Variants in LRP12 observed in about 807,000 individuals in gnomAD.
LRP12 encodes the protein LDL receptor related protein 12, also known as low-density lipoprotein receptor-related protein 12.
A neutral mutation model predicts 66.0 loss-of-function variants in LRP12; 14 were observed. The ratio of observed to expected loss-of-function variants is 0.21; its 90% CI spans 0.14 to 0.33. The LOEUF is 0.33. Among genes scored for constraint, LRP12 ranks in the 10% least tolerant of loss-of-function variants. LRP12 has a pLI of 1.00. For missense variants in LRP12, 889 were observed against 1,053.4 expected, an observed-to-expected ratio of 0.84 and a Z score of 2.16; for synonymous variants, 357 against 359.1, an observed-to-expected ratio of 0.99 and a Z score of 0.07.
chr8:104,532,702 TGA>T (rs1296205640), intron 1 of LRP12, among the ~76,000 whole-genome samples: 1 of 152,094 alleles, frequency 6.6e-6, no homozygotes, highest in Non-Finnish European at 1.5e-5. Flanking sequence ...CTTTCATGGT[TGA>T]GAGTGGAGAA....
intron 1 of LRP12, among the ~76,000 whole-genome samples, chr8:104,568,373 G>A (rs1358497256): frequency 2.6e-5 from 4 of 152,026 alleles, no homozygotes; most frequent in East Asian, 3.9e-4. Flanking sequence ...GTTAGCAAAT[G>A]GATTCTTAGA....
At position 104,490,895 on chromosome 8, in the gene LRP12, A is replaced by G. The variant is rs760140082; in HGVS notation, c.2358T>C (p.Phe786=). ...GAGGTCTGGAGCAGTCATTCACATC[A>G]AAGTCTGAAGATCCATCAGAAATTG... is the stretch of plus-strand genomic sequence containing the variant. ...LIPISDGSSD[F]DVNDCSRPLL... The change falls in exon 7 of 7, where the codon TTT becomes TTC. Residue 786 remains phenylalanine (F), a synonymous_variant. Transcript: ENST00000276654. 1.1e-5 allele frequency: 17 copies of G among 1,614,026 alleles called. No homozygotes were observed. Among genetic ancestry groups the G allele is most frequent in the Non-Finnish European group, 1.4e-5 (17 of 1,180,024 alleles).
At chr8:104,559,535 A>T (rs537439894) in intron 1 of LRP12, among the ~76,000 whole-genome samples, 3 of 152,274 alleles carry the variant, frequency 2.0e-5, no homozygotes, top group Non-Finnish European at 2.9e-5. Flanking sequence ...GGACGGGTGC[A>T]CCAAAATCCC....
intron 1 of LRP12, among the ~76,000 whole-genome samples, chr8:104,534,637 T>G (rs1316849417): frequency 6.6e-6 from 1 of 151,948 alleles, no homozygotes; most frequent in Non-Finnish European, 1.5e-5. Flanking sequence ...CTAATTAATT[T>G]CCCACACATT....
chr8:104,562,270 T>A lies in LRP12; in HGVS notation c.79+26549A>T, dbSNP rs80147780. ...ACACATGGTAAGCATTCAATACAAA[T>A]TAGGTATTATTTTTAATGAGAGCCT... On this transcript the variant is annotated intron_variant, in intron 1 of 6. Coordinates refer to ENST00000276654, the MANE Select transcript of LRP12 (RefSeq NM_013437.5). Among the ~76,000 whole-genome samples the A allele has an allele frequency of 5.5e-3, 841 of 152,230 alleles. 3 individuals carry two copies. The highest frequency in any genetic ancestry group is 8.2e-3 in the Non-Finnish European group (560 of 67,992).
At chr8:104,584,975 T>G (rs1202358831) in intron 1 of LRP12, among the ~76,000 whole-genome samples, 1 of 152,214 alleles carries the variant, frequency 6.6e-6, no homozygotes, top group Non-Finnish European at 1.5e-5. Flanking sequence ...ATTACATATA[T>G]GCAAAGTAAA....
At chr8:104,505,945 C>A (rs1032773109) in intron 3 of LRP12, 3 of 152,106 alleles carry the variant, frequency 2.0e-5, no homozygotes, top group African/African-American at 7.2e-5. Flanking sequence ...TTTAGCATTT[C>A]CTACACTTAT....
chr8:104,510,289 C>T (rs7820552), intron 2 of LRP12, among the ~76,000 whole-genome samples: 4,660 of 152,266 alleles, frequency 0.031, 237 homozygotes, highest in African/African-American at 0.11. Context: ...AGCAGTTCTT[C>T]AATTTATTCC....
At chr8:104,518,971 A>G (rs185575300) in intron 2 of LRP12, among the ~76,000 whole-genome samples, 83 of 152,202 alleles carry the variant, frequency 5.5e-4, no homozygotes, top group African/African-American at 1.8e-3. Flanking sequence ...AATACAAGGC[A>G]AGTGACCAAC....
At chr8:104,528,690 G>A (rs954509168) in intron 2 of LRP12, among the ~76,000 whole-genome samples, 9 of 151,698 alleles carry the variant, frequency 5.9e-5, no homozygotes, top group East Asian at 1.9e-4. Flanking sequence ...CAGGAGAATC[G>A]CTTGAACCCG....
At position 104,578,444 on chromosome 8, in the gene LRP12, A is replaced by C. The variant is rs372485833; in HGVS notation, c.79+10375T>G. ...AATGCCCAGATGGATTCACAGCTGA[A>C]TTCTACCAGATGTACAAAGAAGAGC... is the stretch of plus-strand genomic sequence containing the variant. On this transcript the variant is annotated intron_variant, in intron 1 of 6. Transcript: ENST00000276654. Among the ~76,000 whole-genome samples, 4 of 152,302 alleles carry C rather than the reference A, an allele frequency of 2.6e-5. No homozygotes were observed. The East Asian group carries it at 7.7e-4, about 29-fold the overall frequency.
intron 1 of LRP12, among the ~76,000 whole-genome samples, chr8:104,573,137 T>C (rs527361314): frequency 6.6e-6 from 1 of 152,202 alleles, no homozygotes; most frequent in African/African-American, 2.4e-5. Context: ...TAGTAGTAGG[T>C]TCTCCTTAAT....
At chr8:104,527,155 T>C in intron 2 of LRP12, among the ~76,000 whole-genome samples, 2 of 149,332 alleles carry the variant, frequency 1.3e-5, no homozygotes, top group African/African-American at 5.1e-5. Flanking sequence ...CCAGTTAGAA[T>C]GGCAATCATT....
At chr8:104,558,702 A>G (rs1347984759) in intron 1 of LRP12, among the ~76,000 whole-genome samples, 4 of 152,122 alleles carry the variant, frequency 2.6e-5, no homozygotes, top group African/African-American at 7.2e-5. Flanking sequence ...TTCCCTAACT[A>G]TGCATCCAAC....
chr8:104,584,302 A>C (rs1812297513), intron 1 of LRP12, among the ~76,000 whole-genome samples: 1 of 151,986 alleles, frequency 6.6e-6, no homozygotes, highest in Non-Finnish European at 1.5e-5. Flanking sequence ...TGTTTACTTA[A>C]ATCTATATAA....
rs561489254 is a variant in LRP12, at chr8:104,563,024, T to C, written c.79+25795A>G. Among the ~76,000 whole-genome samples the C allele has an allele frequency of 3.3e-4, 51 of 152,272 alleles. 2 individuals are homozygous for C. In the South Asian group the frequency reaches 7.3e-3, roughly 22 times the overall value. The stretch of plus-strand genomic sequence containing the variant: ...TTGAGCTGCATTTTGTTTACGGAGA[T>C]CTCCAAGTACAACTATAAAAGAACA... On this transcript the variant is annotated intron_variant, in intron 1 of 6. Transcript: ENST00000276654.
At chr8:104,520,644 G>A (rs1811132161) in intron 2 of LRP12, among the ~76,000 whole-genome samples, 1 of 151,984 alleles carries the variant, frequency 6.6e-6, no homozygotes, top group African/African-American at 2.4e-5. Context: ...TCATTTGCTT[G>A]GTTCTGGATA....
intron 1 of LRP12, among the ~76,000 whole-genome samples, chr8:104,565,545 T>C (rs1195160446): frequency 1.3e-5 from 2 of 152,056 alleles, no homozygotes; most frequent in African/African-American, 4.8e-5. Flanking sequence ...AAAACAGTTT[T>C]AGCTGTGTAC....
intron 1 of LRP12, among the ~76,000 whole-genome samples, chr8:104,567,972 A>C (rs1812030561): frequency 6.6e-6 from 1 of 152,204 alleles, no homozygotes; most frequent in Non-Finnish European, 1.5e-5. Flanking sequence ...TAGCAAAAAC[A>C]ATCTTGAAAA....
Sources: gnomAD v4.1 joint callset for allele counts (sites outside exome capture counted in the v4.1 genomes callset) on GRCh38, gnomAD v4.1.1 for gene constraint, MANE v1.5 for transcripts, NCBI Gene and HGNC (gene_info 2026-07-23, HGNC 2026-07-21) for gene names.